Variants in MROH6 observed in about 807,000 individuals in gnomAD.
The protein encoded by MROH6 is maestro heat like repeat family member 6.
A neutral mutation model predicts 67.7 loss-of-function variants in MROH6; 62 were observed. The observed-to-expected ratio is 0.92, with a 90% CI of 0.75 to 1.13. The LOEUF (loss-of-function observed/expected upper bound fraction) is 1.13, where lower values mean the gene tolerates loss of function less well. MROH6 is among the 50% of genes most tolerant of loss of function. MROH6 has a pLI of 0.00. For synonymous variants in MROH6, 566 were observed against 470.8 expected (o/e 1.20, Z -2.62); for missense variants, 1,175 against 1,029.1 (o/e 1.14, Z -1.94).
chr8:143,567,279 ACGCTCCGG>A lies in MROH6; in HGVS notation c.2112_2119del (p.Ser706GlyfsTer31). The A allele has an allele frequency of 8.2e-7, 1 of 1,222,210 alleles. No individual in the cohort carries two copies. Among genetic ancestry groups the A allele is most frequent in the Non-Finnish European group, 1.0e-6 (1 of 981,848 alleles). The allele number at this position is 1,222,210 out of a possible 1,614,324, so 75.7% of individuals were successfully genotyped here. On this transcript the variant is annotated frameshift_variant, in exon 14 of 14. Transcript: ENST00000398882. LOFTEE classifies it low-confidence loss of function (END_TRUNC). ...TCCGGAGCAGCCCCAGCGGCCCGCGACGCTCCGGCGCTGGAAGGGGCTGTCGGCGAAGA... is the reference window on the plus strand; with the variant it reads ...TCCGGAGCAGCCCCAGCGGCCCGCGACGCTGGAAGGGGCTGTCGGCGAAGA...
Position 143,571,697 on chromosome 8 carries a change from G to C in MROH6, c.572C>G (p.Ala191Gly), listed in dbSNP as rs777114558. The C allele has an allele frequency of 6.4e-7, 1 of 1,552,396 alleles. No homozygotes were observed. The highest frequency in any genetic ancestry group is 8.7e-7 in the Non-Finnish European group (1 of 1,148,908). The change falls in exon 3 of 14, where the codon GCG (alanine) becomes GGG (glycine). Residue 191 changes from alanine to glycine, a missense_variant. Coordinates refer to ENST00000398882, the MANE Select transcript of MROH6 (RefSeq NM_001100878.2). ...GGCGGGCAGAGAGCGGGGTAGCAGCGCACACACCACGTCCCGCGCATGCTC... is the reference window on the plus strand; with the variant it reads ...GGCGGGCAGAGAGCGGGGTAGCAGCCCACACACCACGTCCCGCGCATGCTC... ...ALEHARDVVC[A>G]LLPRSLPADR...
In MROH6 at chr8:143,572,655, G is replaced by A. The variant is rs139406054; in HGVS notation, c.60C>T (p.Thr20=). 1 of 1,564,338 alleles carries A rather than the reference G, an allele frequency of 6.4e-7. No individual in the cohort carries two copies. The highest frequency in any genetic ancestry group is 1.3e-5 in the African/African-American group (1 of 74,254). The change falls in exon 1 of 14, where the codon ACC becomes ACT. Residue 20 remains threonine, a synonymous_variant. Coordinates refer to ENST00000398882, the MANE Select transcript of MROH6 (RefSeq NM_001100878.2). ...RAREAPVGAL[T]LTALTEGIRA... ...GGATTCCTTCAGTCAGTGCTGTCAGGGTTAGAGCCCCCACGGGAGCCTCCC... is the reference window on the plus strand; with the variant it reads ...GGATTCCTTCAGTCAGTGCTGTCAGAGTTAGAGCCCCCACGGGAGCCTCCC...
At chr8:143,572,338 G>T in intron 1 of MROH6, 83 bp downstream of exon 1, 2 of 1,476,212 alleles carry the variant, frequency 1.4e-6, no homozygotes, top group Non-Finnish European at 1.8e-6. Context: ...GGCCAGCACC[G>T]CCCCCCTGCC....
At chr8:143,569,403 C>CGGGAGG in intron 9 of MROH6, 38 bp downstream of exon 9, 2 of 1,251,216 alleles carry the variant, frequency 1.6e-6, no homozygotes, top group Non-Finnish European at 9.9e-7. Flanking sequence ...GCGGTGACAG[C>CGGGAGG]GGCAGGGGCG....
At chr8:143,570,692 C>T (rs372022523) in intron 4 of MROH6, 35 bp from the exon 5 acceptor site, 34 of 1,565,928 alleles carry the variant, frequency 2.2e-5, no homozygotes, top group Non-Finnish European at 1.2e-5. Context: ...GCCTGGGGCA[C>T]GCCTGGAGCT....
In MROH6 at chr8:143,572,688, G is replaced by A. The variant is rs770412059; in HGVS notation, c.27C>T (p.Ser9=). ...CCCCCACGGGAGCCTCCCGGGCCCG[G>A]CTCCGGCCCCACACACCCCCAGCCA... MAGGVWGR[S]RAREAPVGAL... is the part of the protein sequence containing the mutation. The change falls in exon 1 of 14, where the codon AGC becomes AGT. Residue 9 remains serine, a synonymous_variant. Coordinates refer to ENST00000398882, the MANE Select transcript of MROH6 (RefSeq NM_001100878.2). The A allele has an allele frequency of 2.6e-6, 4 of 1,515,662 alleles. No homozygotes were observed. The highest frequency in any genetic ancestry group is 3.5e-6 in the Non-Finnish European group (4 of 1,135,420). The allele number at this position is 1,515,662 out of a possible 1,614,324, so 93.9% of individuals were successfully genotyped here. A position where few individuals can be genotyped will look rare whatever the true frequency, so the allele number is the denominator to read the frequency against.
Position 143,572,060 on chromosome 8 carries a change from C to T in MROH6, c.420G>A (p.Glu140=), listed in dbSNP as rs760806601. 1.9e-6 allele frequency: 3 copies of T among 1,612,352 alleles called. No homozygotes were observed. The highest frequency in any genetic ancestry group is 2.5e-6 in the Non-Finnish European group (3 of 1,179,608). Residue 140 remains glutamate (E), a synonymous_variant, in exon 2 of 14, where the codon GAG becomes GAA. Coordinates refer to ENST00000398882, the MANE Select transcript of MROH6 (RefSeq NM_001100878.2). ...ATVLTLSSAL[E]ARGERLEDQV... ...GGTCCTCCAACCGCTCGCCCCGGGC[C>T]TCCAGGGCTGAGGACAGGGTGAGCA... is the stretch of plus-strand genomic sequence containing the variant.
At position 143,567,480 on chromosome 8, in the gene MROH6, C is replaced by A. The variant is rs13254352; in HGVS notation, c.1934-15G>T. On this transcript the variant is annotated splice_polypyrimidine_tract_variant and intron_variant, in intron 13 of 13. Coordinates refer to ENST00000398882, the MANE Select transcript of MROH6 (RefSeq NM_001100878.2). The stretch of plus-strand genomic sequence containing the variant: ...TCGCCCTAGGTCTGCGAGGAGATCG[C>A]GGCTCAGGCTGGGGAGCCCAGGAGG... 0.26 allele frequency: 366,134 copies of A among 1,424,640 alleles called. 48,845 individuals carry two copies. Among genetic ancestry groups the A allele is most frequent in the East Asian group, 0.43 (16,024 of 37,486 alleles). 88.2% of individuals were successfully genotyped at this position (1,424,640 alleles called of 1,614,324 possible).
chr8:143,570,977 C>T lies in MROH6; in HGVS notation c.620G>A (p.Trp207Ter), dbSNP rs1248082116. The T allele has an allele frequency of 1.3e-6, 2 of 1,548,924 alleles. No individual in the cohort carries two copies. Among genetic ancestry groups the T allele is most frequent in the Non-Finnish European group, 1.7e-6 (2 of 1,146,920 alleles). Residue 207 changes from tryptophan to a stop codon, truncating the protein, a stop_gained, in exon 4 of 14, where the codon TGG becomes TAG. Transcript: ENST00000398882. LOFTEE classifies it high-confidence loss of function. Reference protein sequence around the residue: ...LPADRVAAELWRSLSRNQRVN... With the variant: ...LPADRVAAEL The stretch of plus-strand genomic sequence containing the variant: ...ACGCTGGTTACGGCTTAGGCTGCGC[C>T]AGAGCTCGGCTGCTACCCTGAGGGT...
At position 143,568,566 on chromosome 8, in the gene MROH6, T is replaced by G. The variant is rs745897586; in HGVS notation, c.1630A>C (p.Arg544=). 8.3e-5 allele frequency: 128 copies of G among 1,546,888 alleles called. No individual in the cohort carries two copies. The African/African-American group carries it at 1.6e-3, about 19-fold the overall frequency. ...GGGCTGCTGACCTCAGCAGCGTCCC[T>G]GCTGGGGTCATGCAGGCGCAGCAGC... is the stretch of plus-strand genomic sequence containing the variant. ...PLLLRLHDPS[R]DAAESSEWTL... is the part of the protein sequence containing the mutation. The change falls in exon 10 of 14, where the codon AGG becomes CGG. Residue 544 remains arginine, a synonymous_variant. Coordinates refer to ENST00000398882, the MANE Select transcript of MROH6 (RefSeq NM_001100878.2).
At chr8:143,568,466 T>C in intron 10 of MROH6, 86 bp downstream of exon 10, 1 of 1,456,404 alleles carries the variant, frequency 6.9e-7, no homozygotes. Flanking sequence ...GGTGAGTCCC[T>C]GACCTGTAAT....
In MROH6 at chr8:143,569,050, C is replaced by G. The variant is rs1477069525; in HGVS notation, c.1477-331G>C. Among the ~76,000 whole-genome samples, 3 of 29,988 alleles carry G rather than the reference C, an allele frequency of 1.0e-4. 1 individual carries two copies. The highest frequency in any genetic ancestry group is 4.6e-4 in the Admixed American group (1 of 2,166). 19.7% of individuals were successfully genotyped at this position (29,988 alleles called of 152,430 possible). A position where few individuals can be genotyped will look rare whatever the true frequency, so the allele number is the denominator to read the frequency against. On this transcript the variant is annotated intron_variant, in intron 9 of 13. Transcript: ENST00000398882. ...AGGGAAGAAATCTGGGACGGAGACA[C>G]TGGGGGGACGGGGCCTGGGAGGGAG...
Position 143,569,826 on chromosome 8 carries a change from C to T in MROH6, c.1173G>A (p.Arg391=), listed in dbSNP as rs762916047. The part of the protein sequence containing the change: ...MAFFTGLLQS[R]PTARLLREEV... The stretch of plus-strand genomic sequence containing the variant: ...CCTCCCGCAGGAGCCGTGCGGTGGG[C>T]CGGCTCTGCAACAGCTAGGCGAGGC... Residue 391 remains arginine, a synonymous_variant, in exon 8 of 14, where the codon CGG becomes CGA. Coordinates refer to ENST00000398882, the MANE Select transcript of MROH6 (RefSeq NM_001100878.2). 9 of 1,610,766 alleles carry T rather than the reference C, an allele frequency of 5.6e-6. No individual in the cohort carries two copies. The African/African-American group carries it at 6.7e-5, about 12-fold the overall frequency.
At chr8:143,567,941 G>A (rs762695269) in intron 11 of MROH6, 53 bp from the exon 12 acceptor site, 8 of 1,487,696 alleles carry the variant, frequency 5.4e-6, no homozygotes, top group Non-Finnish European at 7.2e-6. Context: ...TGAGTGCGGA[G>A]GAGGCTGCAG....
In MROH6 at chr8:143,566,270, G is replaced by T. The variant is rs1339761971; in HGVS notation, c.*969C>A. ...CAGGTCAGTAGGACCCCACGCCTGT[G>T]CCTGAGGGGCCCCAGTCTGGGCAAG... On this transcript the variant is annotated 3_prime_UTR_variant, in exon 14 of 14. Coordinates refer to ENST00000398882, the MANE Select transcript of MROH6 (RefSeq NM_001100878.2). 1 of 152,246 alleles carries T rather than the reference G, an allele frequency of 6.6e-6. No individual in the cohort carries two copies. Among genetic ancestry groups the T allele is most frequent in the Non-Finnish European group, 1.5e-5 (1 of 68,056 alleles). 9.4% of individuals were successfully genotyped at this position (152,246 alleles called of 1,614,324 possible). A position where few individuals can be genotyped will look rare whatever the true frequency, so the allele number is the denominator to read the frequency against.
rs1185843793 is a variant in MROH6, at chr8:143,569,346, GGA to G, written c.1476+93_1476+94del. On this transcript the variant is annotated intron_variant, in intron 9 of 13. Coordinates refer to ENST00000398882, the MANE Select transcript of MROH6 (RefSeq NM_001100878.2). Reference sequence around the variant, plus strand: ...GGCCTGAGAGGGCGGGGCCTGGGCGGGAGAGACGGGGGCGGGGCCTGGGAGGG... The same window carrying G: ...GGCCTGAGAGGGCGGGGCCTGGGCGGGAGACGGGGGCGGGGCCTGGGAGGG... 2.0e-4 allele frequency: 214 copies of G among 1,088,848 alleles called. 1 individual carries two copies. Among genetic ancestry groups the G allele is most frequent in the Non-Finnish European group, 2.3e-4 (188 of 833,076 alleles). The allele number at this position is 1,088,848 out of a possible 1,614,324, so 67.4% of individuals were successfully genotyped here.
Position 143,570,472 on chromosome 8 carries a change from C to T in MROH6, c.905+1G>A, listed in dbSNP as rs754722785. On this transcript the variant is annotated splice_donor_variant, in intron 5 of 13. Transcript: ENST00000398882. LOFTEE classifies it high-confidence loss of function. ...CCACGTAACCTGGTGTTGCCTCTCACCTGGCATGGCTATGTGGTGGCCCTC... is the reference window on the plus strand; with the variant it reads ...CCACGTAACCTGGTGTTGCCTCTCATCTGGCATGGCTATGTGGTGGCCCTC... 5 of 1,611,042 alleles carry T rather than the reference C, an allele frequency of 3.1e-6. No homozygotes were observed. Among genetic ancestry groups the T allele is most frequent in the Non-Finnish European group, 4.2e-6 (5 of 1,178,454 alleles).
intron 7 of MROH6, 31 bp downstream of exon 7, chr8:143,569,915 GTCACC>G (rs769368917): frequency 1.2e-6 from 2 of 1,611,734 alleles, no homozygotes; most frequent in Non-Finnish European, 1.7e-6. Flanking sequence ...CAAGTCCAGG[GTCACC>G]CTTCACCACC....
chr8:143,571,883 C>A, intron 2 of MROH6, 62 bp from the exon 3 acceptor site: 2 of 1,504,504 alleles, frequency 1.3e-6, no homozygotes, highest in Non-Finnish European at 8.9e-7. Flanking sequence ...TCCCCTCTGG[C>A]CTGCACCCCA....
Sources: gnomAD v4.1 joint callset for allele counts (sites outside exome capture counted in the v4.1 genomes callset) on GRCh38, gnomAD v4.1.1 for gene constraint, MANE v1.5 for transcripts, NCBI Gene and HGNC (gene_info 2026-07-23, HGNC 2026-07-21) for gene names.